The following FSTL4 variants were observed in gnomAD, a reference collection of about 807,000 sequenced individuals.
FSTL4 encodes the protein follistatin-related protein 4.
Under a neutral mutation model 78.2 loss-of-function variants are expected in FSTL4, and 28 were observed. The ratio of observed to expected loss-of-function variants is 0.36; its 90% CI spans 0.27 to 0.49. FSTL4 has a LOEUF of 0.49. Ranked by LOEUF, FSTL4 falls within the 20% of genes least tolerant of loss-of-function variation. The pLI is 0.98. For missense variants in FSTL4, 922 were observed against 1,084.9 expected (o/e 0.85, Z 2.11); for synonymous variants, 422 against 440.5 (o/e 0.96, Z 0.53).
At chr5:133,613,452 G>A (rs1056066525), upstream of FSTL4, among the ~76,000 whole-genome samples, 5 of 152,174 alleles carry the variant, frequency 3.3e-5, no homozygotes, top group African/African-American at 1.2e-4. Context: ...TCTCCTGGCC[G>A]GGGGGAGGTG....
intron 7 of FSTL4, chr5:133,247,507 T>G (rs141733525): frequency 3.2e-4 from 48 of 152,338 alleles, no homozygotes; most frequent in Middle Eastern, 3.4e-3. Context: ...CAATCTTTCC[T>G]GGCCAAACAT....
intron 3 of FSTL4, among the ~76,000 whole-genome samples, chr5:133,484,656 C>A (rs1210341103): frequency 6.6e-6 from 1 of 152,204 alleles, no homozygotes; most frequent in African/African-American, 2.4e-5. Flanking sequence ...GCCCTTTCTA[C>A]ACGCTGCTCA....
chr5:133,510,684 A>G (rs967470988), intron 3 of FSTL4, among the ~76,000 whole-genome samples: 5 of 152,120 alleles, frequency 3.3e-5, no homozygotes, highest in African/African-American at 9.7e-5. Context: ...GCAAACAGGA[A>G]CAAAATGTAG....
intron 4 of FSTL4, among the ~76,000 whole-genome samples, chr5:133,348,374 T>G (rs1020241947): frequency 6.6e-6 from 1 of 152,146 alleles, no homozygotes; most frequent in Non-Finnish European, 1.5e-5. Context: ...TCCCTCCCAA[T>G]GAGAGATCAA....
chr5:133,471,415 G>A (rs1393290885), intron 3 of FSTL4, among the ~76,000 whole-genome samples: 4 of 152,158 alleles, frequency 2.6e-5, no homozygotes, highest in African/African-American at 9.7e-5. Flanking sequence ...CAAGGTGATG[G>A]TATTAGGATG....
chr5:133,469,285 G>A (rs1485868316), intron 3 of FSTL4, among the ~76,000 whole-genome samples: 3 of 152,212 alleles, frequency 2.0e-5, no homozygotes, highest in East Asian at 3.9e-4. Flanking sequence ...TCTGAAGACC[G>A]TGGGCTGCAT....
rs115054686 is a variant in FSTL4 at position 133,496,797 on chromosome 5, C to A, written c.160+70389G>T. Among the ~76,000 whole-genome samples, 756 of 152,288 alleles carry A rather than the reference C, an allele frequency of 5.0e-3. 4 individuals carry two copies. Among genetic ancestry groups the A allele is most frequent in the African/African-American group, 0.017 (696 of 41,556 alleles). Reference sequence around the variant, plus strand: ...AACCACTTGCAACCAGGCTGCACTGCCAGTCTTTCCCCACCAAGCCATCGT... The same window carrying A: ...AACCACTTGCAACCAGGCTGCACTGACAGTCTTTCCCCACCAAGCCATCGT... On this transcript the variant is annotated intron_variant, in intron 3 of 15. Transcript: ENST00000265342.
the FSTL4 span, among the ~76,000 whole-genome samples, chr5:133,807,726 G>A: frequency 6.6e-6 from 1 of 152,232 alleles, no homozygotes; most frequent in East Asian, 1.9e-4. Flanking sequence ...TCTTGAAGCT[G>A]AGACGGCCAG....
intron 6 of FSTL4, among the ~76,000 whole-genome samples, chr5:133,309,799 C>A (rs1480722240): frequency 6.6e-6 from 1 of 152,208 alleles, no homozygotes; most frequent in Non-Finnish European, 1.5e-5. Context: ...CTGGAGTCAC[C>A]CCACAGACCT....
the FSTL4 span, among the ~76,000 whole-genome samples, chr5:133,654,308 A>C: frequency 2.9e-4 from 44 of 152,358 alleles, no homozygotes; most frequent in Middle Eastern, 3.4e-3. Flanking sequence ...AGTCCTCTGA[A>C]GGAAGCACAG....
chr5:133,511,632 A>C (rs1758733259), intron 3 of FSTL4, among the ~76,000 whole-genome samples: 1 of 152,114 alleles, frequency 6.6e-6, no homozygotes, highest in Admixed American at 6.5e-5. Context: ...GAAAATTTAC[A>C]CTGAAAAAAT....
At chr5:133,212,631 A>G (rs116462632) in intron 13 of FSTL4, among the ~76,000 whole-genome samples, 14 of 152,350 alleles carry the variant, frequency 9.2e-5, no homozygotes, top group African/African-American at 3.1e-4. Flanking sequence ...GAAAGAATGG[A>G]AAGTCCTAAC....
chr5:133,790,449 A>T, the FSTL4 span, among the ~76,000 whole-genome samples: 7 of 152,268 alleles, frequency 4.6e-5, no homozygotes, highest in African/African-American at 1.7e-4. Flanking sequence ...AACCAAATAA[A>T]ATGTTAGCTC....
At chr5:133,778,626 G>A in the FSTL4 span, among the ~76,000 whole-genome samples, 10 of 152,148 alleles carry the variant, frequency 6.6e-5, no homozygotes, top group East Asian at 1.9e-4. Context: ...TCACCTCACC[G>A]AGGCTGTGAC....
the FSTL4 span, among the ~76,000 whole-genome samples, chr5:133,690,655 A>C: frequency 3.0e-4 from 46 of 152,232 alleles, no homozygotes; most frequent in Admixed American, 2.0e-4. Context: ...ATAAAGATGC[A>C]GGGCAAACAC....
intron 4 of FSTL4, among the ~76,000 whole-genome samples, chr5:133,397,894 TA>T (rs958822260): frequency 6.6e-6 from 1 of 152,296 alleles, no homozygotes; most frequent in South Asian, 2.1e-4. Context: ...AAAAACAAGG[TA>T]TTTTTTTGTT....
intron 4 of FSTL4, among the ~76,000 whole-genome samples, chr5:133,386,892 A>G (rs919456787): frequency 2.0e-5 from 3 of 152,190 alleles, no homozygotes; most frequent in Non-Finnish European, 4.4e-5. Flanking sequence ...GGAGACAGCC[A>G]CTGAAGTTCA....
rs115342601 is a variant in FSTL4, at chr5:133,528,224, A to G, written c.160+38962T>C. On this transcript the variant is annotated intron_variant, in intron 3 of 15. Coordinates refer to ENST00000265342, the MANE Select transcript of FSTL4 (RefSeq NM_015082.2). ...AGGGGGGATTTCCCACAGAAAGGTG[A>G]GCTGCCCATTAGGCCTCACTATGGC... is the stretch of plus-strand genomic sequence containing the variant. Among the ~76,000 whole-genome samples the G allele has an allele frequency of 4.6e-3, 706 of 152,344 alleles. 9 individuals are homozygous for G. Among genetic ancestry groups the G allele is most frequent in the African/African-American group, 0.016 (679 of 41,582 alleles).
chr5:133,221,908 T>TG (rs1751133306), intron 11 of FSTL4, among the ~76,000 whole-genome samples: 23 of 113,322 alleles, frequency 2.0e-4, no homozygotes, highest in Middle Eastern at 4.1e-3. Flanking sequence ...TTTTTTTTTT[T>TG]TTTTTTTTTT....
Sources: gnomAD v4.1 joint callset for allele counts (sites outside exome capture counted in the v4.1 genomes callset) on GRCh38, gnomAD v4.1.1 for gene constraint, MANE v1.5 for transcripts, NCBI Gene and HGNC (gene_info 2026-07-23, HGNC 2026-07-21) for gene names.